Variants in IL31RA observed in about 807,000 individuals in gnomAD.
IL31RA encodes interleukin-31 receptor subunit alpha.
A neutral mutation model predicts 83.7 loss-of-function variants in IL31RA; 66 were observed. The ratio of observed to expected loss-of-function variants is 0.79; its 90% CI spans 0.65 to 0.97. IL31RA has a LOEUF of 0.97. Among genes scored for constraint, IL31RA ranks in the 50% least tolerant of loss-of-function variants. The pLI, the probability that IL31RA is intolerant of heterozygous loss-of-function variation, is 0.00. For synonymous variants in IL31RA, 325 were observed against 329.0 expected, an observed-to-expected ratio of 0.99 and a Z score of 0.13; for missense variants, 798 against 919.4, an observed-to-expected ratio of 0.87 and a Z score of 1.71.
At chr5:55,843,091 C>T in the IL31RA span, among the ~76,000 whole-genome samples, 2 of 152,204 alleles carry the variant, frequency 1.3e-5, no homozygotes, top group African/African-American at 4.8e-5. Flanking sequence ...TGTGCCCACA[C>T]ATGGGGATCC....
chr5:55,839,959 A>G, the IL31RA span: 1 of 642,438 alleles, frequency 1.6e-6, no homozygotes, highest in Non-Finnish European at 2.9e-6. Flanking sequence ...TCATCGGCCA[A>G]GCAAGACCAG....
intron 1 of IL31RA, 68 bp from the exon 2 acceptor site, chr5:55,859,441 G>A (rs578091109): frequency 2.4e-4 from 258 of 1,087,386 alleles, no homozygotes; most frequent in Non-Finnish European, 3.3e-4. Context: ...GAATCTATTT[G>A]CCATTGGAAA....
At chr5:55,916,396 A>G (rs1033853002) in intron 14 of IL31RA, among the ~76,000 whole-genome samples, 4 of 148,290 alleles carry the variant, frequency 2.7e-5, no homozygotes, top group African/African-American at 9.9e-5. Flanking sequence ...AAAAAAAATT[A>G]TATACATATA....
At chr5:55,865,120 G>T (rs567157964) in intron 2 of IL31RA, among the ~76,000 whole-genome samples, 162 of 152,256 alleles carry the variant, frequency 1.1e-3, no homozygotes, top group African/African-American at 3.8e-3. Flanking sequence ...CCTCAGGGAG[G>T]GTTCCAAGCT....
rs199913572 is a variant in IL31RA, at chr5:55,907,423, C to T, written c.1317C>T (p.Gly439=). 1.4e-5 allele frequency: 23 copies of T among 1,589,122 alleles called. No individual in the cohort carries two copies. The highest frequency in any genetic ancestry group is 5.4e-5 in the Admixed American group (3 of 55,782). Residue 439 remains glycine, a synonymous_variant, in exon 10 of 15, where the codon GGC becomes GGT. Transcript: ENST00000652347. ...ATCCAATGTTGCATGACAAAGTTGG[C>T]GAGCCATATTCCATCCAGGCTTATG... ...SVYPMLHDKV[G]EPYSIQAYAK...
chr5:55,896,251 C>T, intron 6 of IL31RA, 99 bp from the exon 7 acceptor site: 1 of 808,718 alleles, frequency 1.2e-6, no homozygotes, highest in Non-Finnish European at 2.2e-6. Flanking sequence ...CCCAATGGCT[C>T]CCTCAAGCAA....
intron 8 of IL31RA, among the ~76,000 whole-genome samples, chr5:55,900,867 G>A (rs957191707): frequency 4.9e-4 from 75 of 152,030 alleles, no homozygotes; most frequent in African/African-American, 1.8e-3. Context: ...TGAAGGCAGT[G>A]ATTTTTTGTC....
intron 12 of IL31RA, among the ~76,000 whole-genome samples, chr5:55,911,413 A>G (rs1418944870): frequency 1.3e-5 from 2 of 152,192 alleles, no homozygotes; most frequent in African/African-American, 2.4e-5. Flanking sequence ...TCACTGTACA[A>G]CAGGGCCTTC....
rs566174733 is a variant in IL31RA at position 55,922,731 on chromosome 5, G to A, written c.*5611G>A. On this transcript the variant is annotated 3_prime_UTR_variant, in exon 15 of 15. Transcript: ENST00000652347. ...AGCCATAATACCATTTTCATGTAATGCTATACTTCTATACTATTTTCATGT... is the reference window on the plus strand; with the variant it reads ...AGCCATAATACCATTTTCATGTAATACTATACTTCTATACTATTTTCATGT... 9.8e-6 allele frequency: 4 copies of A among 407,374 alleles called. No individual in the cohort carries two copies. Among genetic ancestry groups the A allele is most frequent in the Non-Finnish European group, 1.8e-5 (4 of 228,518 alleles). The allele number at this position is 407,374 out of a possible 1,614,324, so 25.2% of individuals were successfully genotyped here.
At position 55,903,075 on chromosome 5, in the gene IL31RA, G is replaced by A. The variant is rs920816743; in HGVS notation, c.1069+2943G>A. Among the ~76,000 whole-genome samples, 2 of 152,330 alleles carry A rather than the reference G, an allele frequency of 1.3e-5. No individual in the cohort carries two copies. Among genetic ancestry groups the A allele is most frequent in the South Asian group, 2.1e-4 (1 of 4,820 alleles). On this transcript the variant is annotated intron_variant, in intron 8 of 14. Transcript: ENST00000652347. The surrounding 1 kb of genome is among the most constrained non-coding windows in gnomAD (Gnocchi z 4.7). ...GTTATTGACCTGTGCGGGCCTCCAC[G>A]TTCCCCTCTTGGAATAAGGGCTTGG...
intron 5 of IL31RA, among the ~76,000 whole-genome samples, chr5:55,887,979 G>A (rs1224489983): frequency 7.9e-5 from 12 of 151,936 alleles, no homozygotes; most frequent in Non-Finnish European, 1.5e-4. Flanking sequence ...GAACCCGGGA[G>A]GCAGAGGTTG....
chr5:55,858,116 TA>T (rs2112294535), intron 1 of IL31RA, among the ~76,000 whole-genome samples: 1 of 152,304 alleles, frequency 6.6e-6, no homozygotes, highest in East Asian at 1.9e-4. Flanking sequence ...ACCATTAACT[TA>T]AAAATATTTT....
At chr5:55,887,405 A>G (rs1448128406) in intron 5 of IL31RA, among the ~76,000 whole-genome samples, 1 of 152,178 alleles carries the variant, frequency 6.6e-6, no homozygotes, top group Non-Finnish European at 1.5e-5. Flanking sequence ...TAATAAAGCC[A>G]TGTGAGCCTC....
At chr5:55,867,319 G>T (rs942824644) in intron 2 of IL31RA, among the ~76,000 whole-genome samples, 3 of 145,058 alleles carry the variant, frequency 2.1e-5, no homozygotes, top group African/African-American at 7.8e-5. Flanking sequence ...GTGTGTGTGC[G>T]TGTGTGTGTG....
upstream of IL31RA, among the ~76,000 whole-genome samples, chr5:55,850,203 T>G (rs79615536): frequency 0.017 from 2,554 of 152,284 alleles, 30 homozygotes; most frequent in Middle Eastern, 0.044. Context: ...TCAGTGTAGA[T>G]TTATTTTCAT....
In IL31RA at chr5:55,918,990, T is replaced by A. The variant is rs1749954902; in HGVS notation, c.*1870T>A. 6.6e-6 allele frequency among the ~76,000 whole-genome samples: 1 copy of A among 152,184 alleles called. No individual in the cohort carries two copies. The highest frequency in any genetic ancestry group is 2.1e-4 in the South Asian group (1 of 4,828). ...ACAAAAGAGATGCGTCCAATTCTCA[T>A]GCCGCCCCTGATGTCTGCTCTCCCT... On this transcript the variant is annotated 3_prime_UTR_variant, in exon 15 of 15. Transcript: ENST00000652347.
chr5:55,878,439 A>G (rs1746993415), intron 4 of IL31RA, among the ~76,000 whole-genome samples: 1 of 152,124 alleles, frequency 6.6e-6, no homozygotes, highest in Admixed American at 6.5e-5. Context: ...TGTTGTTGTT[A>G]AAAATTGGGC....
rs1440878628 is a variant in IL31RA at position 55,917,341 on chromosome 5, C to T, written c.*221C>T. ...AAGCCCGAGTTTTGTAAAGGAACAG[C>T]AGTCTCTTTTCGTTTGTTCAGATAC... On this transcript the variant is annotated 3_prime_UTR_variant, in exon 15 of 15. Transcript: ENST00000652347. 5.6e-6 allele frequency: 8 copies of T among 1,421,358 alleles called. No homozygotes were observed. Among genetic ancestry groups the T allele is most frequent in the Non-Finnish European group, 5.5e-6 (6 of 1,089,940 alleles). The allele number at this position is 1,421,358 out of a possible 1,614,324, so 88.0% of individuals were successfully genotyped here.
At chr5:55,862,511 C>T (rs1294157283) in intron 2 of IL31RA, among the ~76,000 whole-genome samples, 1 of 152,178 alleles carries the variant, frequency 6.6e-6, no homozygotes, top group Non-Finnish European at 1.5e-5. Context: ...TGGGTTCAAG[C>T]AATTCTCCTG....
Sources: gnomAD v4.1 joint callset for allele counts (sites outside exome capture counted in the v4.1 genomes callset) on GRCh38, gnomAD v4.1.1 for gene constraint, Gnocchi (gnomAD v3.1) non-coding constraint, MANE v1.5 for transcripts, NCBI Gene and HGNC (gene_info 2026-07-23, HGNC 2026-07-21) for gene names.